EDNRB: variants seen among roughly 807,000 people sequenced by gnomAD.
EDNRB encodes the protein endothelin receptor type B.
Under a neutral mutation model 46.4 loss-of-function variants are expected in EDNRB, and 18 were observed. That is an observed-to-expected ratio of 0.39 (90% confidence interval 0.27 to 0.57). The LOEUF (loss-of-function observed/expected upper bound fraction) is 0.57. Ranked by LOEUF, EDNRB falls within the 20% of genes least tolerant of loss-of-function variation. EDNRB has a pLI of 0.61. For synonymous variants in EDNRB, 213 were observed against 204.9 expected (o/e 1.04, Z -0.34); for missense variants, 434 against 537.5 (o/e 0.81, Z 1.90).
chr13:77,939,962 C>T (rs1880692273), intron 1 of EDNRB: 1 of 151,376 alleles, frequency 6.6e-6, no homozygotes, highest in Non-Finnish European at 1.5e-5. Context: ...CATCATTGCA[C>T]TCCAGCCTGG....
intron 1 of EDNRB, among the ~76,000 whole-genome samples, chr13:77,966,085 T>A (rs1881572521): frequency 6.6e-6 from 1 of 152,082 alleles, no homozygotes; most frequent in Non-Finnish European, 1.5e-5. Context: ...GATAGAGTCT[T>A]GCTATGTTCC....
intron 1 of EDNRB, among the ~76,000 whole-genome samples, chr13:77,960,860 GAAAAAAAA>G (rs34344431): frequency 8.7e-6 from 1 of 115,574 alleles, no homozygotes; most frequent in African/African-American, 3.3e-5. Context: ...CAAGCAAATG[GAAAAAAAA>G]AAAAAAAAAA....
intron 1 of EDNRB, among the ~76,000 whole-genome samples, chr13:77,974,866 A>T (rs941410272): frequency 6.6e-6 from 1 of 152,110 alleles, no homozygotes. Context: ...TCCTGGTGTC[A>T]TAGTCTCCCT....
At chr13:77,944,693 T>A (rs1304373730) in intron 1 of EDNRB, 1 of 152,082 alleles carries the variant, frequency 6.6e-6, no homozygotes, top group Non-Finnish European at 1.5e-5. Context: ...TTAAAAAAAA[T>A]GAACAGGATT....
chr13:77,919,686 G>C, upstream of EDNRB: 1 of 1,437,048 alleles, frequency 7.0e-7, no homozygotes, highest in Non-Finnish European at 9.5e-7. Flanking sequence ...TTTCCCCTTG[G>C]GCGATGCCTG....
chr13:77,908,043 A>AAAAAAG (rs4052535), intron 1 of EDNRB, among the ~76,000 whole-genome samples: 3 of 72,446 alleles, frequency 4.1e-5, no homozygotes, highest in Admixed American at 1.9e-4. Context: ...AAAAAAAAAA[A>AAAAAAG]AGAGAGAGAG....
Position 77,918,357 on chromosome 13 carries a change from T to C in EDNRB, c.217A>G (p.Lys73Glu), listed in dbSNP as rs201488838. The C allele has an allele frequency of 6.2e-7, 1 of 1,612,420 alleles. No individual in the cohort carries two copies. Among genetic ancestry groups the C allele is most frequent in the East Asian group, 2.2e-5 (1 of 44,802 alleles). The change falls in exon 1 of 7, where the codon AAA becomes GAA. Residue 73 changes from lysine to glutamate, a missense_variant. Lys to Glu is a moderately conservative substitution (Grantham distance 56). Coordinates refer to ENST00000646607, the MANE Select transcript of EDNRB (RefSeq NM_001122659.3). The surrounding 1 kb of genome is among the most constrained non-coding windows in gnomAD (Gnocchi z 4.5). ...ARSLAPAEVP[K>E]GDRTAGSPPR... ...GGAGATCCTGCCGTCCTGTCTCCTT[T>C]AGGCACCTCCGCAGGTGCCAACGAC...
Position 77,898,244 on chromosome 13 carries a change from C to T in EDNRB, c.1285G>A (p.Gly429Arg), listed in dbSNP as rs144565124. 225 of 1,611,962 alleles carry T rather than the reference C, an allele frequency of 1.4e-4. No individual in the cohort carries two copies. The highest frequency in any genetic ancestry group is 4.1e-4 in the African/African-American group (31 of 74,904). The change falls in exon 7 of 7, where the codon GGA (glycine) becomes AGA (arginine). Residue 429 changes from glycine to arginine, a missense_variant. Transcript: ENST00000646607. ...TTACTGGAACGGAAGTTGTCATATC[C>T]GTGATCATTAGCTTTGAACTTTAAG... Reference protein sequence around the residue: ...SCLKFKANDHGYDNFRSSNKY... With the variant: ...SCLKFKANDHRYDNFRSSNKY...
chr13:77,940,639 G>T (rs191586278), intron 1 of EDNRB, among the ~76,000 whole-genome samples: 3 of 152,202 alleles, frequency 2.0e-5, no homozygotes, highest in Admixed American at 2.0e-4. Context: ...CTCACACTGC[G>T]TGTTATGAAC....
chr13:77,967,364 C>T (rs1881611116), intron 1 of EDNRB, among the ~76,000 whole-genome samples: 1 of 152,164 alleles, frequency 6.6e-6, no homozygotes, highest in African/African-American at 2.4e-5. Flanking sequence ...CTACAGCGAA[C>T]TTTCTCTAGC....
chr13:77,962,807 A>C (rs1182770870), intron 1 of EDNRB, among the ~76,000 whole-genome samples: 1 of 152,214 alleles, frequency 6.6e-6, no homozygotes, highest in Admixed American at 6.5e-5. Context: ...AAGGGTATTC[A>C]ATTAAGAAAA....
intron 1 of EDNRB, among the ~76,000 whole-genome samples, chr13:77,945,878 A>C (rs1880890492): frequency 4.3e-5 from 1 of 23,040 alleles, no homozygotes; most frequent in Non-Finnish European, 1.6e-4. Flanking sequence ...CAAAAAACCA[A>C]AAAAAAAAAA....
At position 77,906,825 on chromosome 13, in the gene EDNRB, C is replaced by T. The variant is rs934579776; in HGVS notation, c.484-3218G>A. Among the ~76,000 whole-genome samples the T allele has an allele frequency of 5.9e-5, 9 of 151,964 alleles. No homozygotes were observed. In the South Asian group the frequency reaches 1.0e-3, roughly 17 times the overall value. ...TTTAAAAAATATTTACTGTTTTAAG[C>T]CACTAAATTGTAGGGTAATTTGTTA... is the stretch of plus-strand genomic sequence containing the variant. On this transcript the variant is annotated intron_variant, in intron 1 of 6. Coordinates refer to ENST00000646607, the MANE Select transcript of EDNRB (RefSeq NM_001122659.3).
At chr13:77,914,565 T>C (rs1879721229) in intron 1 of EDNRB, among the ~76,000 whole-genome samples, 1 of 152,224 alleles carries the variant, frequency 6.6e-6, no homozygotes, top group Admixed American at 6.5e-5. Context: ...ATTTTCTGCA[T>C]GTTTACATGA....
At position 77,896,244 on chromosome 13, in the gene EDNRB, G is replaced by T; in HGVS notation, c.*1956C>A. The T allele has an allele frequency of 2.9e-6, 1 of 346,478 alleles. No homozygotes were observed. 21.5% of individuals were successfully genotyped at this position (346,478 alleles called of 1,614,324 possible). A position where few individuals can be genotyped will look rare whatever the true frequency, so the allele number is the denominator to read the frequency against. ...ATCAGGATGTAAAAATTCAGTACAT[G>T]GTAATAAAAATAATCTAAAATTTAA... On this transcript the variant is annotated 3_prime_UTR_variant, in exon 7 of 7. Transcript: ENST00000646607.
At chr13:77,962,900 A>G (rs1336046411) in intron 1 of EDNRB, among the ~76,000 whole-genome samples, 3 of 152,228 alleles carry the variant, frequency 2.0e-5, no homozygotes, top group African/African-American at 4.8e-5. Context: ...AATCTCCTTA[A>G]GCTGATAAAC....
intron 1 of EDNRB, among the ~76,000 whole-genome samples, chr13:77,914,265 G>A (rs1453931653): frequency 6.6e-6 from 1 of 152,092 alleles, no homozygotes; most frequent in African/African-American, 2.4e-5. Flanking sequence ...CACGACAAAA[G>A]CTGGAAAACA....
At position 77,896,698 on chromosome 13, in the gene EDNRB, ATGTG is replaced by A. The variant is rs1878647223; in HGVS notation, c.*1498_*1501del. 10 of 1,431,274 alleles carry A rather than the reference ATGTG, an allele frequency of 7.0e-6. No homozygotes were observed. In the East Asian group the frequency reaches 2.7e-4, roughly 38 times the overall value. The allele number at this position is 1,431,274 out of a possible 1,614,324, so 88.7% of individuals were successfully genotyped here. On this transcript the variant is annotated 3_prime_UTR_variant, in exon 7 of 7. Coordinates refer to ENST00000646607, the MANE Select transcript of EDNRB (RefSeq NM_001122659.3). ...AACAAAATCAGGACCTTTTGCATTG[ATGTG>A]ACGAGGCAATGACGAACGTTAGGCT...
At chr13:77,907,724 C>G (rs929365558) in intron 1 of EDNRB, among the ~76,000 whole-genome samples, 1 of 151,930 alleles carries the variant, frequency 6.6e-6, no homozygotes, top group Admixed American at 6.6e-5. Flanking sequence ...GATGAATGAG[C>G]GTCCAGACCA....
Sources: gnomAD v4.1 joint callset for allele counts (sites outside exome capture counted in the v4.1 genomes callset) on GRCh38, gnomAD v4.1.1 for gene constraint, Gnocchi (gnomAD v3.1) non-coding constraint, MANE v1.5 for transcripts, NCBI Gene and HGNC (gene_info 2026-07-23, HGNC 2026-07-21) for gene names.